Variants in CELF2 observed in about 807,000 individuals in gnomAD.
The protein encoded by CELF2 is CUG triplet repeat RNA-binding protein 2.
Under a neutral mutation model 62.6 loss-of-function variants are expected in CELF2, and 8 were observed. The ratio of observed to expected loss-of-function variants is 0.13; its 90% CI spans 0.07 to 0.23. The LOEUF (loss-of-function observed/expected upper bound fraction) is 0.23, where lower values mean the gene tolerates loss of function less well. CELF2 is among the 10% of genes least tolerant of loss of function. The probability of loss-of-function intolerance (pLI) is 1.00; values close to 1 mark genes in which losing one functional copy is unlikely to be tolerated. For synonymous variants in CELF2, 258 were observed against 250.0 expected (o/e 1.03, Z -0.30); for missense variants, 333 against 671.0 (o/e 0.50, Z 5.56).
chr10:10,994,764 T>A (rs1009323897), intron 2 of CELF2, among the ~76,000 whole-genome samples: 1 of 89,834 alleles, frequency 1.1e-5, no homozygotes, highest in Admixed American at 1.5e-4. Flanking sequence ...GCCAAAAAGG[T>A]TGGGGACTGC....
Position 11,165,931 on chromosome 10 carries a change from C to T in CELF2, c.271+249C>T, listed in dbSNP as rs1224892602. On this transcript the variant is annotated intron_variant, in intron 2 of 12. Coordinates refer to ENST00000633077, the MANE Select transcript of CELF2 (RefSeq NM_001326342.2). This position sits in a 1 kb window ranked among gnomAD's most constrained non-coding sequence, Gnocchi z 7.4. ...CAGGGCGGGAGCGCAGAGGCTCGGT[C>T]CAGGCGCGTGATCGCTCCCGGGAGG... Among the ~76,000 whole-genome samples, 1 of 152,236 alleles carries T rather than the reference C, an allele frequency of 6.6e-6. No individual in the cohort carries two copies. Among genetic ancestry groups the T allele is most frequent in the African/African-American group, 2.4e-5 (1 of 41,464 alleles).
chr10:10,642,010 T>C, the CELF2 span, among the ~76,000 whole-genome samples: 1 of 152,138 alleles, frequency 6.6e-6, no homozygotes, highest in South Asian at 2.1e-4. Flanking sequence ...TTCTATTCCT[T>C]ATTCTGAGTG....
chr10:11,197,058 A>AAAGAAGGAAAGAAAGAAAG (rs1250421470), intron 2 of CELF2, among the ~76,000 whole-genome samples: 1 of 71,932 alleles, frequency 1.4e-5, no homozygotes, highest in African/African-American at 5.8e-5. Context: ...AGAAAGAAAG[A>AAAGAAGGAAAGAAAGAAAG]AAAGAAAGAA....
At chr10:10,746,925 TAGAC>T in the CELF2 span, among the ~76,000 whole-genome samples, 1 of 152,238 alleles carries the variant, frequency 6.6e-6, no homozygotes, top group East Asian at 1.9e-4. Context: ...CACCATGTGT[TAGAC>T]AGAGAAGTAT....
intron 1 of CELF2, among the ~76,000 whole-genome samples, chr10:10,857,678 TA>T (rs2059820247): frequency 1.4e-5 from 2 of 138,802 alleles, no homozygotes; most frequent in African/African-American, 2.6e-5. Flanking sequence ...TATATATATA[TA>T]TATTTTACCT....
At position 11,166,298 on chromosome 10, in the gene CELF2, C is replaced by T. The variant is rs1206151786; in HGVS notation, c.271+616C>T. Among the ~76,000 whole-genome samples the T allele has an allele frequency of 2.0e-5, 3 of 152,248 alleles. No individual in the cohort carries two copies. In the South Asian group the frequency reaches 6.2e-4, roughly 32 times the overall value. On this transcript the variant is annotated intron_variant, in intron 2 of 12. Transcript: ENST00000633077. Reference sequence around the variant, plus strand: ...CATAGTTAGGACACCTTCACAAATGCTTGAGGGTTACGCCCTTATCAGTGT... The same window carrying T: ...CATAGTTAGGACACCTTCACAAATGTTTGAGGGTTACGCCCTTATCAGTGT...
At chr10:11,294,316 G>T (rs2092896501) in intron 9 of CELF2, among the ~76,000 whole-genome samples, 1 of 152,086 alleles carries the variant, frequency 6.6e-6, no homozygotes, top group South Asian at 2.1e-4. Context: ...TAGTCTTCCG[G>T]TGCCTGCCCA....
At chr10:10,478,629 T>C in the CELF2 span, among the ~76,000 whole-genome samples, 2 of 152,314 alleles carry the variant, frequency 1.3e-5, no homozygotes, top group Admixed American at 6.5e-5. Flanking sequence ...GACTCACTTA[T>C]AGTATATGAG....
chr10:10,693,258 T>C, the CELF2 span, among the ~76,000 whole-genome samples: 1 of 134,142 alleles, frequency 7.5e-6, no homozygotes, highest in Non-Finnish European at 1.6e-5. Flanking sequence ...TCTGCATCTA[T>C]TGAGATAATC....
At chr10:10,604,938 C>A in the CELF2 span, among the ~76,000 whole-genome samples, 2 of 152,068 alleles carry the variant, frequency 1.3e-5, no homozygotes, top group Admixed American at 6.5e-5. Context: ...CCCAAAGGAA[C>A]GTGAATCATT....
intron 1 of CELF2, among the ~76,000 whole-genome samples, chr10:10,840,746 C>T (rs931708280): frequency 2.6e-5 from 4 of 152,072 alleles, no homozygotes; most frequent in Non-Finnish European, 5.9e-5. Context: ...CATAGGTATA[C>T]ATGTGCCATG....
chr10:11,051,055 G>T (rs927742499), intron 1 of CELF2, among the ~76,000 whole-genome samples: 8 of 152,220 alleles, frequency 5.3e-5, no homozygotes, highest in South Asian at 2.1e-4. Flanking sequence ...CAAGATGCAT[G>T]AAAGCTGACA....
At chr10:11,206,383 TA>T (rs1322366092) in intron 2 of CELF2, among the ~76,000 whole-genome samples, 1 of 152,264 alleles carries the variant, frequency 6.6e-6, no homozygotes, top group East Asian at 1.9e-4. Flanking sequence ...CTACAGAATC[TA>T]TACTATGAAA....
At chr10:10,927,512 C>T (rs867909029) in intron 2 of CELF2, among the ~76,000 whole-genome samples, 4 of 151,998 alleles carry the variant, frequency 2.6e-5, no homozygotes, top group African/African-American at 4.8e-5. Context: ...ACTGCAGCCT[C>T]GAACTCCTGG....
At chr10:11,047,050 G>A (rs1271250469) in intron 1 of CELF2, among the ~76,000 whole-genome samples, 1 of 152,046 alleles carries the variant, frequency 6.6e-6, no homozygotes, top group Non-Finnish European at 1.5e-5. Flanking sequence ...GGGCGGGGGA[G>A]GTTGTTTTGC....
At chr10:11,180,417 C>T (rs1327808569) in intron 2 of CELF2, among the ~76,000 whole-genome samples, 2 of 152,172 alleles carry the variant, frequency 1.3e-5, no homozygotes, top group African/African-American at 2.4e-5. Context: ...GCAGGATGAA[C>T]AGGGCCGTTG....
At chr10:11,045,545 C>T (rs1237422410) in intron 1 of CELF2, among the ~76,000 whole-genome samples, 1 of 152,162 alleles carries the variant, frequency 6.6e-6, no homozygotes, top group African/African-American at 2.4e-5. Context: ...AAGTACCTGG[C>T]ACCTAATGAA....
chr10:11,231,309 C>G (rs2068559495), intron 3 of CELF2, among the ~76,000 whole-genome samples: 1 of 152,186 alleles, frequency 6.6e-6, no homozygotes, highest in African/African-American at 2.4e-5. Flanking sequence ...CTGAACTTAA[C>G]CATGGTCAGC....
chr10:10,927,411 A>G (rs1276672223), intron 2 of CELF2, among the ~76,000 whole-genome samples: 2 of 149,562 alleles, frequency 1.3e-5, no homozygotes, highest in Admixed American at 6.7e-5. Flanking sequence ...TGTTGGCTCA[A>G]CCTCCAAAAT....
Sources: gnomAD v4.1 joint callset for allele counts (sites outside exome capture counted in the v4.1 genomes callset) on GRCh38, gnomAD v4.1.1 for gene constraint, Gnocchi (gnomAD v3.1) non-coding constraint, MANE v1.5 for transcripts, NCBI Gene and HGNC (gene_info 2026-07-23, HGNC 2026-07-21) for gene names.